Variants in PCDHA3 observed in about 807,000 individuals in gnomAD.
PCDHA3 encodes protocadherin alpha-3.
In PCDHA3, 41 loss-of-function variants were observed where a neutral mutation model predicts 62.2. That is an observed-to-expected ratio of 0.66 (90% CI 0.51 to 0.86). PCDHA3 has a LOEUF of 0.86. Among genes scored for constraint, PCDHA3 ranks in the 40% least tolerant of loss-of-function variants. The pLI is 0.00. For missense variants in PCDHA3, 1,304 were observed against 1,241.2 expected, an observed-to-expected ratio of 1.05 and a Z score of -0.76; for synonymous variants, 640 against 555.4, an observed-to-expected ratio of 1.15 and a Z score of -2.14.
intron 3 of PCDHA3, among the ~76,000 whole-genome samples, chr5:140,999,861 A>G (rs1181249308): frequency 6.6e-6 from 1 of 152,184 alleles, no homozygotes; most frequent in Non-Finnish European, 1.5e-5. Flanking sequence ...TTCCGCTCCA[A>G]GATTACTGAA....
chr5:140,851,487 C>T (rs1273932978), intron 1 of PCDHA3: 42 of 889,088 alleles, frequency 4.7e-5, no homozygotes, highest in Non-Finnish European at 5.1e-5. Context: ...TAAACACAGC[C>T]TTCATTTCAA....
chr5:140,930,766 T>C (rs1476506441), intron 1 of PCDHA3, among the ~76,000 whole-genome samples: 1 of 152,240 alleles, frequency 6.6e-6, no homozygotes, highest in Admixed American at 6.5e-5. Context: ...AAATTTTCTG[T>C]ACTTAATATT....
intron 1 of PCDHA3, among the ~76,000 whole-genome samples, chr5:140,977,651 G>T (rs1554238723): frequency 6.6e-6 from 1 of 152,136 alleles, no homozygotes; most frequent in East Asian, 1.9e-4. Flanking sequence ...CCTTGACTTT[G>T]GCTAATTCTC....
intron 3 of PCDHA3, among the ~76,000 whole-genome samples, chr5:141,004,676 G>C (rs1198896698): frequency 6.6e-6 from 1 of 152,168 alleles, no homozygotes; most frequent in Non-Finnish European, 1.5e-5. Context: ...AAGGACTGTG[G>C]AGTGGTGCTG....
intron 1 of PCDHA3, chr5:140,864,198 A>G (rs1437307959): frequency 6.6e-6 from 1 of 152,182 alleles, no homozygotes; most frequent in Non-Finnish European, 1.5e-5. Flanking sequence ...TCCTTATGAG[A>G]AGGTCAAATC....
chr5:140,810,945 T>C (rs1375280990), intron 1 of PCDHA3: 3 of 152,180 alleles, frequency 2.0e-5, no homozygotes, highest in Non-Finnish European at 4.4e-5. Context: ...CTACAATCCA[T>C]TTGGAATATA....
intron 1 of PCDHA3, chr5:140,824,115 C>A: frequency 6.2e-7 from 1 of 1,613,930 alleles, no homozygotes; most frequent in South Asian, 1.1e-5. Context: ...AGGGTCCCAC[C>A]TCTACAGACA....
intron 1 of PCDHA3, 146 bp downstream of exon 1, chr5:140,803,737 A>G: frequency 7.1e-7 from 1 of 1,409,782 alleles, no homozygotes; most frequent in South Asian, 1.4e-5. Context: ...TGTGGTTAAA[A>G]CGGTAAGATT....
chr5:140,841,305 G>A (rs2150313122), intron 1 of PCDHA3: 2 of 1,543,548 alleles, frequency 1.3e-6, no homozygotes, highest in Non-Finnish European at 1.8e-6. Context: ...TTTTCTGATA[G>A]GAAACGACTA....
chr5:140,997,071 A>G lies in PCDHA3; in HGVS notation c.2543-12556A>G, dbSNP rs554920320. Among the ~76,000 whole-genome samples, 444 of 152,266 alleles carry G rather than the reference A, an allele frequency of 2.9e-3. 5 individuals carry two copies. Among genetic ancestry groups the G allele is most frequent in the Non-Finnish European group, 4.4e-3 (297 of 68,014 alleles). Reference sequence around the variant, plus strand: ...TTTAGAGCAGTTTTAGGTTCACAGGAAAGTTGAGTAGAAAGTGCAGAGTTC... The same window carrying G: ...TTTAGAGCAGTTTTAGGTTCACAGGGAAGTTGAGTAGAAAGTGCAGAGTTC... On this transcript the variant is annotated intron_variant, in intron 3 of 3. Coordinates refer to ENST00000522353, the MANE Select transcript of PCDHA3 (RefSeq NM_018906.3).
intron 1 of PCDHA3, among the ~76,000 whole-genome samples, chr5:140,953,932 C>G (rs1005245846): frequency 1.2e-4 from 19 of 152,060 alleles, no homozygotes; most frequent in Non-Finnish European, 5.9e-5. Flanking sequence ...CTGATGCTCT[C>G]CCTCCCATTG....
At chr5:140,977,043 T>G (rs2096743110) in intron 1 of PCDHA3, among the ~76,000 whole-genome samples, 1 of 152,226 alleles carries the variant, frequency 6.6e-6, no homozygotes. Flanking sequence ...AGGATGTTGT[T>G]GCTGATGGAC....
intron 1 of PCDHA3, chr5:140,928,636 A>G: frequency 6.2e-7 from 1 of 1,614,206 alleles, no homozygotes; most frequent in Non-Finnish European, 8.5e-7. Context: ...CTTGGTCACA[A>G]AAGTGGTAGC....
intron 1 of PCDHA3, among the ~76,000 whole-genome samples, chr5:140,846,287 T>G (rs1554141208): frequency 6.7e-6 from 1 of 149,424 alleles, no homozygotes; most frequent in East Asian, 1.9e-4. Flanking sequence ...ATGTTGTAGT[T>G]CTATGAATTA....
chr5:140,861,756 T>C (rs1158733756), intron 1 of PCDHA3: 1 of 108,868 alleles, frequency 9.2e-6, no homozygotes, highest in Non-Finnish European at 1.9e-5. Context: ...AATGATTATT[T>C]TTCCCTGGAA....
At chr5:140,939,011 CT>C (rs1302482579) in intron 1 of PCDHA3, among the ~76,000 whole-genome samples, 3 of 152,262 alleles carry the variant, frequency 2.0e-5, no homozygotes, top group South Asian at 2.1e-4. Flanking sequence ...AGAAGTGTTA[CT>C]TTTCTTTTAC....
chr5:140,968,323 C>G, intron 1 of PCDHA3: 1 of 1,614,114 alleles, frequency 6.2e-7, no homozygotes, highest in Non-Finnish European at 8.5e-7. Flanking sequence ...TGCCAGTCAC[C>G]TCCTATGTCT....
chr5:140,882,157 C>G, intron 1 of PCDHA3: 5 of 1,504,750 alleles, frequency 3.3e-6, no homozygotes, highest in Non-Finnish European at 8.9e-7. Flanking sequence ...AAGCGGAATA[C>G]CTCTTGCGAA....
At chr5:140,805,124 C>T (rs1554123277) in intron 1 of PCDHA3, 1 of 1,583,798 alleles carries the variant, frequency 6.3e-7, no homozygotes, top group East Asian at 2.2e-5. Context: ...AGACTCTTGG[C>T]AAAGACATTT....
Sources: allele counts gnomAD v4.1 joint callset (sites outside exome capture counted in the v4.1 genomes callset), GRCh38; gene constraint gnomAD v4.1.1; transcripts MANE v1.5; gene names NCBI Gene and HGNC (gene_info 2026-07-23, HGNC 2026-07-21).